CDK6: variants seen among roughly 807,000 people sequenced by gnomAD.
The protein encoded by CDK6 is cyclin-dependent kinase 6.
Under a neutral mutation model 37.1 loss-of-function variants are expected in CDK6, and 6 were observed. The ratio of observed to expected loss-of-function variants is 0.16; its 90% confidence interval spans 0.09 to 0.32. The LOEUF is 0.32. Ranked by LOEUF, CDK6 falls within the 10% of genes least tolerant of loss-of-function variation. CDK6 has a pLI of 1.00. For missense variants in CDK6, 224 were observed against 418.9 expected, an observed-to-expected ratio of 0.53 and a Z score of 4.06; for synonymous variants, 160 against 161.3, an observed-to-expected ratio of 0.99 and a Z score of 0.06.
chr7:92,825,640 T>C (rs1329799013), intron 2 of CDK6, among the ~76,000 whole-genome samples: 4 of 152,172 alleles, frequency 2.6e-5, no homozygotes, highest in Non-Finnish European at 4.4e-5. Flanking sequence ...TTCAGAATCA[T>C]CATCTTTTAT....
chr7:92,641,719 T>C (rs1272256086), intron 5 of CDK6, among the ~76,000 whole-genome samples: 1 of 152,178 alleles, frequency 6.6e-6, no homozygotes, highest in East Asian at 1.9e-4. Context: ...TTCAGGAATA[T>C]TAGAACAAAT....
At chr7:92,707,605 T>C (rs1361256135) in intron 4 of CDK6, among the ~76,000 whole-genome samples, 1 of 152,224 alleles carries the variant, frequency 6.6e-6, no homozygotes, top group Non-Finnish European at 1.5e-5. Flanking sequence ...ATGGAGTCAC[T>C]GTTTAAAGAA....
intron 4 of CDK6, among the ~76,000 whole-genome samples, chr7:92,704,907 A>T (rs1414840031): frequency 6.6e-6 from 1 of 152,246 alleles, no homozygotes; most frequent in South Asian, 2.1e-4. Flanking sequence ...TATAGTTAAT[A>T]CCAAATTATT....
chr7:92,646,511 C>T (rs1015861510), intron 5 of CDK6, among the ~76,000 whole-genome samples: 1 of 151,820 alleles, frequency 6.6e-6, no homozygotes, highest in African/African-American at 2.4e-5. Context: ...GATTCTCCTG[C>T]CTCAGCCTCC....
At position 92,833,776 on chromosome 7, in the gene CDK6, C is replaced by A; in HGVS notation, c.-367-86G>T. ...CGGGGTTCCTCCAGACTCCCCTCCTCCTCCTTTACGAAGCCTCCATCGCTA... is the reference window on the plus strand; with the variant it reads ...CGGGGTTCCTCCAGACTCCCCTCCTACTCCTTTACGAAGCCTCCATCGCTA... On this transcript the variant is annotated intron_variant, in intron 1 of 7. Transcript: ENST00000424848. The surrounding 1 kb of genome is among the most constrained non-coding windows in gnomAD (Gnocchi z 6.1). The A allele has an allele frequency of 2.5e-6, 1 of 406,550 alleles. No individual in the cohort carries two copies. 25.2% of individuals were successfully genotyped at this position (406,550 alleles called of 1,614,324 possible). A position where few individuals can be genotyped will look rare whatever the true frequency, so the allele number is the denominator to read the frequency against.
chr7:92,666,009 A>G (rs1428405534), intron 5 of CDK6, among the ~76,000 whole-genome samples: 1 of 152,146 alleles, frequency 6.6e-6, no homozygotes, highest in Non-Finnish European at 1.5e-5. Context: ...GGTGCCCCCA[A>G]CCCCCAACTG....
Position 92,833,040 on chromosome 7 carries a change from TC to T in CDK6, c.233+50del. The T allele has an allele frequency of 1.5e-6, 2 of 1,358,430 alleles. No individual in the cohort carries two copies. The highest frequency in any genetic ancestry group is 1.4e-5 in the African/African-American group (1 of 69,664). 84.1% of individuals were successfully genotyped at this position (1,358,430 alleles called of 1,614,324 possible). A position where few individuals can be genotyped will look rare whatever the true frequency, so the allele number is the denominator to read the frequency against. ...GGCCTGAGGATTCCCGGCTCGGCCCTCCCCGCGCGCGCGAGGCCCCAGATGG... is the reference window on the plus strand; with the variant it reads ...GGCCTGAGGATTCCCGGCTCGGCCCTCCCGCGCGCGCGAGGCCCCAGATGG... On this transcript the variant is annotated intron_variant, in intron 2 of 7. Coordinates refer to ENST00000424848, the MANE Select transcript of CDK6 (RefSeq NM_001145306.2). The surrounding 1 kb of genome is among the most constrained non-coding windows in gnomAD (Gnocchi z 6.1).
chr7:92,660,964 T>C (rs41459146), intron 5 of CDK6, among the ~76,000 whole-genome samples: 9,933 of 152,214 alleles, frequency 0.065, 644 homozygotes, highest in East Asian at 0.32. Flanking sequence ...CTAGATAGAA[T>C]TCTTTGTAAA....
At chr7:92,671,093 C>T in intron 5 of CDK6, 1 of 169,578 alleles carries the variant, frequency 5.9e-6, no homozygotes, top group Non-Finnish European at 1.3e-5. Context: ...TGGATAAAGT[C>T]CACTTTGAGA....
chr7:92,619,347 A>T (rs1795753646), intron 6 of CDK6, among the ~76,000 whole-genome samples: 1 of 152,190 alleles, frequency 6.6e-6, no homozygotes, highest in African/African-American at 2.4e-5. Flanking sequence ...TATAGGTCGT[A>T]AGTAGGTTTG....
chr7:92,753,595 C>T (rs1189626539), intron 3 of CDK6, among the ~76,000 whole-genome samples: 3 of 152,056 alleles, frequency 2.0e-5, no homozygotes, highest in African/African-American at 4.8e-5. Flanking sequence ...TGGGTTCAAG[C>T]GATTCTCCTG....
chr7:92,833,523 C>G lies in CDK6; in HGVS notation c.-200G>C, dbSNP rs747155689. ...TGGAGAGACCTCCCCGCGGGGCTGG[C>G]GTAACCCTGGTGCCGCCGCCGCGAA... On this transcript the variant is annotated 5_prime_UTR_variant, in exon 2 of 8. Transcript: ENST00000424848. The surrounding 1 kb of genome is among the most constrained non-coding windows in gnomAD (Gnocchi z 6.1). 1.8e-6 allele frequency: 1 copy of G among 556,856 alleles called. No homozygotes were observed. The highest frequency in any genetic ancestry group is 2.0e-5 in the African/African-American group (1 of 49,410). The allele number at this position is 556,856 out of a possible 1,614,324, so 34.5% of individuals were successfully genotyped here.
At chr7:92,778,130 CA>C (rs968997151) in intron 2 of CDK6, among the ~76,000 whole-genome samples, 1 of 149,994 alleles carries the variant, frequency 6.7e-6, no homozygotes, top group Non-Finnish European at 1.5e-5. Context: ...AAACACTTAA[CA>C]AAAAAACCCC....
At chr7:92,803,109 G>A (rs191901686) in intron 2 of CDK6, among the ~76,000 whole-genome samples, 13 of 152,244 alleles carry the variant, frequency 8.5e-5, no homozygotes, top group African/African-American at 2.9e-4. Flanking sequence ...ATATTATACT[G>A]TATTTGTACA....
chr7:92,637,062 T>C (rs1220683803), intron 5 of CDK6, among the ~76,000 whole-genome samples: 1 of 152,232 alleles, frequency 6.6e-6, no homozygotes, highest in Non-Finnish European at 1.5e-5. Context: ...TGCAGCCACA[T>C]GTTGCTACAC....
At chr7:92,826,154 C>T (rs1276398268) in intron 2 of CDK6, among the ~76,000 whole-genome samples, 1 of 152,090 alleles carries the variant, frequency 6.6e-6, no homozygotes, top group African/African-American at 2.4e-5. Context: ...GTTACGTATT[C>T]ACCTTATATC....
chr7:92,663,250 C>G (rs1796877122), intron 5 of CDK6, among the ~76,000 whole-genome samples: 1 of 152,086 alleles, frequency 6.6e-6, no homozygotes, highest in Non-Finnish European at 1.5e-5. Flanking sequence ...GATCACAGAA[C>G]AGGCAGACCT....
chr7:92,820,449 C>T (rs755467727), intron 2 of CDK6, among the ~76,000 whole-genome samples: 9 of 152,042 alleles, frequency 5.9e-5, no homozygotes, highest in Non-Finnish European at 1.2e-4. Flanking sequence ...GCAGGGAAGC[C>T]TCTGTTGCAG....
intron 5 of CDK6, among the ~76,000 whole-genome samples, chr7:92,638,166 T>G (rs1317281337): frequency 6.6e-6 from 1 of 152,236 alleles, no homozygotes; most frequent in Non-Finnish European, 1.5e-5. Context: ...TATGGAAATT[T>G]ATAAATTTTC....
Sources: gnomAD v4.1 joint callset for allele counts (sites outside exome capture counted in the v4.1 genomes callset) on GRCh38, gnomAD v4.1.1 for gene constraint, Gnocchi (gnomAD v3.1) non-coding constraint, MANE v1.5 for transcripts, NCBI Gene and HGNC (gene_info 2026-07-23, HGNC 2026-07-21) for gene names.